Variants in BBOX1 observed in about 807,000 individuals in gnomAD.
The protein encoded by BBOX1 is gamma-butyrobetaine hydroxylase 1, also known as gamma-butyrobetaine dioxygenase.
In BBOX1, 35 loss-of-function variants were observed where a neutral mutation model predicts 41.6. The ratio of observed to expected loss-of-function variants is 0.84; its 90% CI spans 0.64 to 1.11. BBOX1 has a LOEUF of 1.11. Ranked by LOEUF, BBOX1 falls within the 50% of genes most tolerant of loss-of-function variation. BBOX1 has a pLI of 0.00. For synonymous variants in BBOX1, 163 were observed against 154.7 expected, an observed-to-expected ratio of 1.05 and a Z score of -0.40; for missense variants, 458 against 460.6, an observed-to-expected ratio of 0.99 and a Z score of 0.05.
chr11:27,123,998 G>C (rs1026896809), intron 7 of BBOX1, among the ~76,000 whole-genome samples: 1 of 152,130 alleles, frequency 6.6e-6, no homozygotes, highest in Non-Finnish European at 1.5e-5. Context: ...GCAAAGAATT[G>C]GTGCTAATCA....
At chr11:27,102,589 T>A (rs997171505) in intron 5 of BBOX1, among the ~76,000 whole-genome samples, 1 of 152,052 alleles carries the variant, frequency 6.6e-6, no homozygotes, top group Non-Finnish European at 1.5e-5. Context: ...GTTTGATTCT[T>A]CTACTTTTCA....
At chr11:27,090,513 A>T (rs1415153890) in intron 4 of BBOX1, among the ~76,000 whole-genome samples, 1 of 152,002 alleles carries the variant, frequency 6.6e-6, no homozygotes, top group Non-Finnish European at 1.5e-5. Flanking sequence ...GGAATAGGAC[A>T]AAGGGCAAAA....
chr11:27,123,677 G>A (rs1308222483), intron 7 of BBOX1, among the ~76,000 whole-genome samples: 2 of 152,120 alleles, frequency 1.3e-5, no homozygotes. Context: ...AACTCTAAGG[G>A]GGTAATTGAA....
intron 5 of BBOX1, among the ~76,000 whole-genome samples, chr11:27,106,488 A>T (rs2134074029): frequency 6.6e-6 from 1 of 152,318 alleles, no homozygotes; most frequent in African/African-American, 2.4e-5. Flanking sequence ...CAAAAGAGAC[A>T]AAGAAGCCCA....
chr11:27,087,559 C>T (rs1401298196), intron 4 of BBOX1, among the ~76,000 whole-genome samples: 3 of 152,086 alleles, frequency 2.0e-5, no homozygotes, highest in African/African-American at 7.2e-5. Flanking sequence ...AAAAATTCTG[C>T]ATGACTCACT....
At position 27,057,063 on chromosome 11, in the gene BBOX1, T is replaced by TAAAAAAAAA. The variant is rs1459422645; in HGVS notation, c.220-138_220-137insAAAAAAAAA. 9.3e-3 allele frequency: 1,386 copies of TAAAAAAAAA among 149,452 alleles called. 311 individuals carry two copies. Among genetic ancestry groups the TAAAAAAAAA allele is most frequent in the African/African-American group, 0.075 (1,169 of 15,572 alleles). The allele number at this position is 149,452 out of a possible 1,614,324, so 9.3% of individuals were successfully genotyped here. On this transcript the variant is annotated intron_variant, in intron 3 of 8. Transcript: ENST00000263182. ...CCTGGCAACAGAGGAAGACTCCGAC[T>TAAAAAAAAA]TAAAAAAAAAAAAAAAAAAAAATTA...
chr11:27,100,441 C>T (rs1858607501), intron 5 of BBOX1, among the ~76,000 whole-genome samples: 1 of 152,052 alleles, frequency 6.6e-6, no homozygotes, highest in African/African-American at 2.4e-5. Flanking sequence ...TGCCTGAGTT[C>T]TAAATTTAAT....
At chr11:27,071,820 C>A (rs1333243375) in intron 4 of BBOX1, among the ~76,000 whole-genome samples, 1 of 152,004 alleles carries the variant, frequency 6.6e-6, no homozygotes, top group Non-Finnish European at 1.5e-5. Flanking sequence ...AGACAAAAAC[C>A]ACATGATTAT....
intron 4 of BBOX1, among the ~76,000 whole-genome samples, chr11:27,065,159 C>CA (rs1365834683): frequency 6.6e-6 from 1 of 152,082 alleles, no homozygotes; most frequent in Admixed American, 6.5e-5. Context: ...AAGGGAAAGG[C>CA]AAGATGGAGG....
chr11:27,054,780 A>G (rs1301982509), intron 2 of BBOX1, among the ~76,000 whole-genome samples: 1 of 152,228 alleles, frequency 6.6e-6, no homozygotes, highest in Non-Finnish European at 1.5e-5. Flanking sequence ...AAGGACTTCT[A>G]TATTTCATTA....
chr11:27,119,307 C>T (rs944603433), intron 6 of BBOX1, among the ~76,000 whole-genome samples: 1 of 152,048 alleles, frequency 6.6e-6, no homozygotes, highest in Non-Finnish European at 1.5e-5. Flanking sequence ...CCTACTCCAA[C>T]ATCAAGTGCT....
intron 5 of BBOX1, among the ~76,000 whole-genome samples, chr11:27,112,318 T>C (rs924219610): frequency 6.6e-6 from 1 of 151,964 alleles, no homozygotes; most frequent in African/African-American, 2.4e-5. Context: ...ATGATAGCTA[T>C]AGAAGTCACA....
At chr11:27,077,635 CA>C (rs1277885657) in intron 4 of BBOX1, among the ~76,000 whole-genome samples, 2,083 of 138,886 alleles carry the variant, frequency 0.015, 38 homozygotes, top group African/African-American at 0.05. Context: ...AAAAAAAAAC[CA>C]AAAAAACAGT....
intron 4 of BBOX1, among the ~76,000 whole-genome samples, chr11:27,072,919 C>T (rs960220068): frequency 1.6e-4 from 24 of 152,218 alleles, no homozygotes; most frequent in South Asian, 8.3e-4. Context: ...TAATTCAAGA[C>T]GGATTAAAGA....
intron 4 of BBOX1, among the ~76,000 whole-genome samples, chr11:27,064,707 T>A (rs1401100653): frequency 6.6e-6 from 1 of 152,016 alleles, no homozygotes. Context: ...GCTCATAGGT[T>A]AGGAGTTTTT....
rs144748911 is a variant in BBOX1 at position 27,115,186 on chromosome 11, C to A, written c.534-266C>A. Among the ~76,000 whole-genome samples, 50 of 151,950 alleles carry A rather than the reference C, an allele frequency of 3.3e-4. No homozygotes were observed. In the East Asian group the frequency reaches 9.1e-3, roughly 28 times the overall value. On this transcript the variant is annotated intron_variant, in intron 5 of 8. Transcript: ENST00000263182. ...ATTAACCCAGTAAAAAGATAACCTA[C>A]AATTCCATATATACTTCTTTATAAA...
chr11:27,118,689 G>C (rs1028274256), intron 6 of BBOX1, among the ~76,000 whole-genome samples: 4 of 151,956 alleles, frequency 2.6e-5, no homozygotes, highest in African/African-American at 7.2e-5. Flanking sequence ...AGTATTGTCA[G>C]GCTCCATCAT....
At chr11:27,118,745 G>GA (rs1381381557) in intron 6 of BBOX1, among the ~76,000 whole-genome samples, 11 of 151,848 alleles carry the variant, frequency 7.2e-5, no homozygotes, top group Non-Finnish European at 1.2e-4. Context: ...CTGTACAAAA[G>GA]AAAGTATCAA....
chr11:27,070,043 A>T (rs990901039), intron 4 of BBOX1, among the ~76,000 whole-genome samples: 1 of 152,084 alleles, frequency 6.6e-6, no homozygotes, highest in Non-Finnish European at 1.5e-5. Context: ...TTAAGAGAAG[A>T]TTGTTTAATT....
Sources: gnomAD v4.1 joint callset for allele counts (sites outside exome capture counted in the v4.1 genomes callset) on GRCh38, gnomAD v4.1.1 for gene constraint, MANE v1.5 for transcripts, NCBI Gene and HGNC (gene_info 2026-07-23, HGNC 2026-07-21) for gene names.